Variants in NCAM2 observed in about 807,000 individuals in gnomAD.
NCAM2 encodes N-CAM-2.
Under a neutral mutation model 98.1 loss-of-function variants are expected in NCAM2, and 30 were observed. The observed-to-expected ratio is 0.31, with a 90% CI of 0.23 to 0.41. The LOEUF is 0.41. Among genes scored for constraint, NCAM2 ranks in the 10% least tolerant of loss-of-function variants. NCAM2 has a pLI of 1.00. For missense variants in NCAM2, 867 were observed against 1,005.8 expected, an observed-to-expected ratio of 0.86 and a Z score of 1.87; for synonymous variants, 368 against 342.4, an observed-to-expected ratio of 1.07 and a Z score of -0.83.
intron 8 of NCAM2, among the ~76,000 whole-genome samples, chr21:21,357,824 A>T (rs2075533006): frequency 6.6e-6 from 1 of 152,186 alleles, no homozygotes; most frequent in African/African-American, 2.4e-5. Flanking sequence ...AAAGCGAAGA[A>T]CAAATGTCAA....
chr21:21,502,071 T>A (rs960909925), intron 15 of NCAM2, among the ~76,000 whole-genome samples: 1 of 151,960 alleles, frequency 6.6e-6, no homozygotes, highest in African/African-American at 2.4e-5. Context: ...CTAGTTGTTT[T>A]GCTTGACTAT....
chr21:21,154,984 G>A (rs2067569410), intron 1 of NCAM2, among the ~76,000 whole-genome samples: 2 of 151,724 alleles, frequency 1.3e-5, no homozygotes, highest in Admixed American at 1.3e-4. Context: ...GATGCAAGAT[G>A]CAGCATTGTC....
intron 1 of NCAM2, among the ~76,000 whole-genome samples, chr21:21,269,146 T>C (rs1226540532): frequency 6.6e-6 from 1 of 152,206 alleles, no homozygotes; most frequent in Admixed American, 6.6e-5. Context: ...CCTATCTTTA[T>C]GAATACTTTG....
At chr21:20,999,292 T>C (rs894410729) in intron 1 of NCAM2, among the ~76,000 whole-genome samples, 1 of 152,126 alleles carries the variant, frequency 6.6e-6, no homozygotes. Context: ...CATTACATTG[T>C]AATTACACCT....
chr21:21,363,077 A>G (rs985257032), intron 8 of NCAM2, among the ~76,000 whole-genome samples: 16 of 152,196 alleles, frequency 1.1e-4, no homozygotes, highest in African/African-American at 3.9e-4. Context: ...ATTGATAAAC[A>G]TATGAATAAA....
chr21:21,465,443 A>T (rs1038354494), intron 12 of NCAM2, among the ~76,000 whole-genome samples: 1 of 151,968 alleles, frequency 6.6e-6, no homozygotes, highest in Non-Finnish European at 1.5e-5. Context: ...TGCTAAATAA[A>T]TACCATGATC....
chr21:21,255,136 T>A (rs1207120030), intron 1 of NCAM2, among the ~76,000 whole-genome samples: 1 of 152,158 alleles, frequency 6.6e-6, no homozygotes, highest in East Asian at 1.9e-4. Flanking sequence ...TCTCATGGTT[T>A]TTTGAAGGTT....
chr21:21,502,895 C>A (rs1987726269), intron 15 of NCAM2, among the ~76,000 whole-genome samples: 1 of 151,846 alleles, frequency 6.6e-6, no homozygotes, highest in South Asian at 2.1e-4. Flanking sequence ...AATTTTCAGT[C>A]TACCTGGAGA....
intron 14 of NCAM2, among the ~76,000 whole-genome samples, chr21:21,473,373 A>AAT (rs57318222): frequency 0.058 from 8,128 of 140,424 alleles, 534 homozygotes; most frequent in African/African-American, 0.17. Context: ...TATATGTATA[A>AAT]ATATATATAT....
chr21:21,418,577 T>C lies in NCAM2; in HGVS notation c.1480+8T>C, dbSNP rs780737426. On this transcript the variant is annotated splice_region_variant and intron_variant, in intron 11 of 17. Coordinates refer to ENST00000400546, the MANE Select transcript of NCAM2 (RefSeq NM_004540.5). Reference sequence around the variant, plus strand: ...ATATTCTTGCTTTGGCTGGTAAGTATAGCACAATAATTTTTGAGATCGCAC... The same window carrying C: ...ATATTCTTGCTTTGGCTGGTAAGTACAGCACAATAATTTTTGAGATCGCAC... 6.4e-7 allele frequency: 1 copy of C among 1,567,706 alleles called. No homozygotes were observed.
intron 1 of NCAM2, among the ~76,000 whole-genome samples, chr21:21,048,359 A>AT (rs907811028): frequency 4.8e-4 from 71 of 148,110 alleles, no homozygotes; most frequent in African/African-American, 1.2e-3. Flanking sequence ...AACCCGATGT[A>AT]TTTTTTTTTT....
intron 15 of NCAM2, among the ~76,000 whole-genome samples, chr21:21,498,203 A>G (rs925595930): frequency 2.0e-5 from 3 of 152,174 alleles, no homozygotes; most frequent in African/African-American, 7.2e-5. Flanking sequence ...CACACAATCC[A>G]TAAGCTGGTG....
chr21:21,248,242 A>G lies in NCAM2; in HGVS notation c.56-32336A>G, dbSNP rs2071350091. 2.0e-5 allele frequency among the ~76,000 whole-genome samples: 3 copies of G among 152,154 alleles called. 1 individual carries two copies. In the South Asian group the frequency reaches 6.2e-4, roughly 32 times the overall value. On this transcript the variant is annotated intron_variant, in intron 1 of 17. Transcript: ENST00000400546. ...TTAATTCTTCTCAGAGCTTATTTAA[A>G]AAAAAACATACAGTTATATAAAAGT...
chr21:21,026,855 C>CTTTTTTT (rs752588922), intron 1 of NCAM2, among the ~76,000 whole-genome samples: 10 of 126,794 alleles, frequency 7.9e-5, no homozygotes, highest in Non-Finnish European at 1.3e-4. Flanking sequence ...TCTTCTTCTT[C>CTTTTTTT]TTTTTTTTTT....
intron 5 of NCAM2, among the ~76,000 whole-genome samples, chr21:21,323,696 G>T (rs1411935242): frequency 6.6e-6 from 1 of 152,142 alleles, no homozygotes; most frequent in African/African-American, 2.4e-5. Context: ...TTTTTGCAAT[G>T]TAATTAGTTA....
At chr21:21,279,792 T>C (rs903569358) in intron 1 of NCAM2, among the ~76,000 whole-genome samples, 1 of 152,238 alleles carries the variant, frequency 6.6e-6, no homozygotes, top group African/African-American at 2.4e-5. Context: ...TCTTCCTTGA[T>C]TGACCTCTTG....
At chr21:21,011,534 A>G (rs2064210904) in intron 1 of NCAM2, among the ~76,000 whole-genome samples, 1 of 152,118 alleles carries the variant, frequency 6.6e-6, no homozygotes, top group East Asian at 1.9e-4. Flanking sequence ...AAATTATTAT[A>G]TCAAGCTAAG....
At chr21:21,452,497 A>C (rs1602384550) in intron 12 of NCAM2, among the ~76,000 whole-genome samples, 1 of 132,918 alleles carries the variant, frequency 7.5e-6, no homozygotes, top group Non-Finnish European at 1.6e-5. Context: ...ATATCAATTT[A>C]TATATAATAT....
chr21:21,455,173 C>A (rs939627463), intron 12 of NCAM2, among the ~76,000 whole-genome samples: 4 of 140,158 alleles, frequency 2.9e-5, no homozygotes, highest in Non-Finnish European at 6.1e-5. Context: ...CTAACATAAT[C>A]TTCCACTCAG....
Sources: allele counts gnomAD v4.1 joint callset (sites outside exome capture counted in the v4.1 genomes callset), GRCh38; gene constraint gnomAD v4.1.1; transcripts MANE v1.5; gene names NCBI Gene and HGNC (gene_info 2026-07-23, HGNC 2026-07-21).